NDRG1: variants seen among roughly 807,000 people sequenced by gnomAD.
NDRG1 encodes protein NDRG1.
Under a neutral mutation model 56.9 loss-of-function variants are expected in NDRG1, and 32 were observed. The ratio of observed to expected loss-of-function variants is 0.56; its 90% CI spans 0.42 to 0.76. The LOEUF (loss-of-function observed/expected upper bound fraction) is 0.76. Ranked by LOEUF, NDRG1 falls within the 30% of genes least tolerant of loss-of-function variation. The pLI, the probability that NDRG1 is intolerant of heterozygous loss-of-function variation, is 0.00. For synonymous variants in NDRG1, 211 were observed against 204.1 expected (o/e 1.03, Z -0.29); for missense variants, 507 against 545.7 (o/e 0.93, Z 0.71).
chr8:133,284,147 G>A, intron 2 of NDRG1, 102 bp downstream of exon 2: 2 of 1,052,422 alleles, frequency 1.9e-6, no homozygotes, highest in Non-Finnish European at 1.5e-6. Context: ...TATTTGTGCA[G>A]TGTTTGCATG....
Position 133,237,599 on chromosome 8 carries a change from GA to G in NDRG1, c.*1278del. 1 of 233,224 alleles carries G rather than the reference GA, an allele frequency of 4.3e-6. No homozygotes were observed. The highest frequency in any genetic ancestry group is 1.8e-4 in the South Asian group (1 of 5,532). 14.4% of individuals were successfully genotyped at this position (233,224 alleles called of 1,614,324 possible). ...CATTCGGCGAAAGGTTAGGGAGCAGGAAAAGAGGAAGCAGGAGAGGGAAGGA... is the reference window on the plus strand; with the variant it reads ...CATTCGGCGAAAGGTTAGGGAGCAGGAAAGAGGAAGCAGGAGAGGGAAGGA... On this transcript the variant is annotated 3_prime_UTR_variant, in exon 16 of 16. Transcript: ENST00000323851.
At chr8:133,290,192 C>A (rs1858354284) in intron 1 of NDRG1, among the ~76,000 whole-genome samples, 1 of 152,184 alleles carries the variant, frequency 6.6e-6, no homozygotes, top group Admixed American at 6.5e-5. Context: ...CTGGGCCCCG[C>A]CACAACTCCC....
intron 1 of NDRG1, among the ~76,000 whole-genome samples, chr8:133,291,715 C>T (rs910042599): frequency 1.3e-5 from 2 of 152,106 alleles, no homozygotes; most frequent in African/African-American, 4.8e-5. Flanking sequence ...CCTCGAGGGC[C>T]CCTGTACTTT....
intron 2 of NDRG1, 140 bp downstream of exon 2, chr8:133,284,109 T>A: frequency 1.3e-6 from 1 of 768,250 alleles, no homozygotes; most frequent in Non-Finnish European, 2.3e-6. Flanking sequence ...AGCATGTTTG[T>A]ATGCCGTGTG....
chr8:133,242,222 TAAGAGTATGGGACAATGATGGG>T lies in NDRG1; in HGVS notation c.892-170_892-149del, dbSNP rs1210401372. ...GTGTTGACAGGACAAAACACAAAAGTAAGAGTATGGGACAATGATGGGAAATTCACCCCACAGCTGTGGAACT... is the reference window on the plus strand; with the variant it reads ...GTGTTGACAGGACAAAACACAAAAGTAAATTCACCCCACAGCTGTGGAACT... On this transcript the variant is annotated intron_variant, in intron 14 of 15. Transcript: ENST00000323851. 7 of 797,476 alleles carry T rather than the reference TAAGAGTATGGGACAATGATGGG, an allele frequency of 8.8e-6. No individual in the cohort carries two copies. The African/African-American group carries it at 1.1e-4, about 12-fold the overall frequency. The allele number at this position is 797,476 out of a possible 1,614,324, so 49.4% of individuals were successfully genotyped here.
At chr8:133,293,330 G>C (rs1326340241) in intron 1 of NDRG1, among the ~76,000 whole-genome samples, 1 of 152,220 alleles carries the variant, frequency 6.6e-6, no homozygotes, top group Non-Finnish European at 1.5e-5. Flanking sequence ...AACAGCCTGG[G>C]GTGGATCCAG....
chr8:133,292,869 C>T (rs183043623), intron 1 of NDRG1, among the ~76,000 whole-genome samples: 167 of 152,364 alleles, frequency 1.1e-3, no homozygotes, highest in African/African-American at 3.9e-3. Flanking sequence ...TAAGGAGCCT[C>T]ACTTTCTACC....
chr8:133,293,527 C>G (rs111924364), intron 1 of NDRG1, among the ~76,000 whole-genome samples: 1 of 152,206 alleles, frequency 6.6e-6, no homozygotes, highest in African/African-American at 2.4e-5. Flanking sequence ...TGTCTTCTAC[C>G]TCAGTTAGCT....
chr8:133,265,694 G>C (rs970090959), intron 3 of NDRG1, among the ~76,000 whole-genome samples: 2 of 150,632 alleles, frequency 1.3e-5, no homozygotes, highest in African/African-American at 2.4e-5. Context: ...TCTTCCTCTG[G>C]AAAACAAAAA....
chr8:133,248,945 C>G (rs969168415), intron 10 of NDRG1, among the ~76,000 whole-genome samples, 174 bp from the exon 11 acceptor site: 3 of 152,210 alleles, frequency 2.0e-5, no homozygotes, highest in Non-Finnish European at 2.9e-5. Flanking sequence ...TTGGTGTCCA[C>G]AGACCTGGTT....
chr8:133,265,331 G>C (rs1856861885), intron 3 of NDRG1, among the ~76,000 whole-genome samples: 1 of 152,170 alleles, frequency 6.6e-6, no homozygotes, highest in South Asian at 2.1e-4. Flanking sequence ...GGGAGGGCTG[G>C]ATCTGTAGCA....
At chr8:133,291,630 T>C (rs1388220171) in intron 1 of NDRG1, among the ~76,000 whole-genome samples, 1 of 151,972 alleles carries the variant, frequency 6.6e-6, no homozygotes, top group Non-Finnish European at 1.5e-5. Context: ...AGTTTAGAGG[T>C]TAGGGAACTG....
chr8:133,266,763 C>T (rs1265516997), intron 3 of NDRG1, among the ~76,000 whole-genome samples: 6 of 152,180 alleles, frequency 3.9e-5, no homozygotes, highest in East Asian at 1.9e-4. Flanking sequence ...CCCGCAGGGA[C>T]GAGTGGGTGA....
Position 133,237,765 on chromosome 8 carries a change from T to G in NDRG1, c.*1113A>C, listed in dbSNP as rs1187664711. 5.5e-6 allele frequency: 1 copy of G among 183,248 alleles called. No individual in the cohort carries two copies. The highest frequency in any genetic ancestry group is 1.1e-5 in the Non-Finnish European group (1 of 89,808). The allele number at this position is 183,248 out of a possible 1,614,324, so 11.4% of individuals were successfully genotyped here. ...GACCGGGTCAGACAGGTTCAGCTAC[T>G]GAGTTCACGTTCCAGCCCAGCTGTC... On this transcript the variant is annotated 3_prime_UTR_variant, in exon 16 of 16. Transcript: ENST00000323851.
At chr8:133,244,706 C>G in intron 13 of NDRG1, 1 of 507,716 alleles carries the variant, frequency 2.0e-6, no homozygotes, top group Non-Finnish European at 3.6e-6. Context: ...AGAAACTGGG[C>G]CAGGAAGAGC....
intron 1 of NDRG1, among the ~76,000 whole-genome samples, chr8:133,295,016 G>T (rs767370323): frequency 2.6e-5 from 4 of 152,152 alleles, no homozygotes; most frequent in Non-Finnish European, 4.4e-5. Context: ...CTGTAAAATG[G>T]AAAGAAGTTG....
chr8:133,293,789 C>A (rs760894946), intron 1 of NDRG1, among the ~76,000 whole-genome samples: 1 of 152,166 alleles, frequency 6.6e-6, no homozygotes, highest in African/African-American at 2.4e-5. Context: ...GAGAGAGAAT[C>A]GCAGGAGACC....
At chr8:133,246,327 C>T (rs1222983587) in intron 13 of NDRG1, among the ~76,000 whole-genome samples, 1 of 152,176 alleles carries the variant, frequency 6.6e-6, no homozygotes, top group East Asian at 1.9e-4. Flanking sequence ...ATGTCCTGGC[C>T]CCAGCCTATG....
intron 15 of NDRG1, chr8:133,239,525 A>G: frequency 3.5e-6 from 1 of 287,782 alleles, no homozygotes. Flanking sequence ...TCACTGGAGC[A>G]GGGAGGACAC....
Sources: allele counts gnomAD v4.1 joint callset (sites outside exome capture counted in the v4.1 genomes callset), GRCh38; gene constraint gnomAD v4.1.1; transcripts MANE v1.5; gene names NCBI Gene and HGNC (gene_info 2026-07-23, HGNC 2026-07-21).